MTREX: variants seen among roughly 807,000 people sequenced by gnomAD.
MTREX encodes Mtr4 exosome RNA helicase.
MTREX carries 76 observed loss-of-function variants against 135.4 expected under a neutral mutation model. The ratio of observed to expected loss-of-function variants is 0.56; its 90% CI spans 0.47 to 0.68. The LOEUF is 0.68. Among genes scored for constraint, MTREX ranks in the 30% least tolerant of loss-of-function variants. MTREX has a pLI of 0.00. For missense variants in MTREX, 920 were observed against 1,262.1 expected (o/e 0.73, Z 4.11); for synonymous variants, 404 against 401.6 (o/e 1.01, Z -0.07).
At chr5:55,388,198 C>A in intron 19 of MTREX, 96 bp downstream of exon 19, 1 of 1,073,990 alleles carries the variant, frequency 9.3e-7, no homozygotes, top group Non-Finnish European at 1.3e-6. Flanking sequence ...AACATACTAT[C>A]ATGATTTCTA....
chr5:55,384,598 A>G (rs1252972323), intron 18 of MTREX, among the ~76,000 whole-genome samples: 2 of 152,082 alleles, frequency 1.3e-5, no homozygotes, highest in African/African-American at 2.4e-5. Context: ...TTGATAATAT[A>G]TTGTAGTAAC....
intron 23 of MTREX, among the ~76,000 whole-genome samples, chr5:55,412,238 C>A (rs1185189357): frequency 6.6e-6 from 1 of 152,000 alleles, no homozygotes; most frequent in Non-Finnish European, 1.5e-5. Flanking sequence ...ACATTGTCTT[C>A]TAGTAAATAT....
At chr5:55,420,277 G>C (rs1751034168) in intron 25 of MTREX, among the ~76,000 whole-genome samples, 1 of 152,222 alleles carries the variant, frequency 6.6e-6, no homozygotes, top group African/African-American at 2.4e-5. Context: ...GGGTATGCCA[G>C]AAAGCTGAAG....
chr5:55,422,757 C>T (rs1751073777), intron 25 of MTREX, 121 bp from the exon 26 acceptor site: 1 of 694,026 alleles, frequency 1.4e-6, no homozygotes, highest in Non-Finnish European at 2.4e-6. Context: ...TGATTTACTT[C>T]ATGGGAAGTC....
Position 55,344,627 on chromosome 5 carries a change from G to C in MTREX, c.1005+7G>C. ...TCTTGTGGTTGATGAAAATGTAAGAGAGTAATTGTCCTTTTTAAATCTATA... is the reference window on the plus strand; with the variant it reads ...TCTTGTGGTTGATGAAAATGTAAGACAGTAATTGTCCTTTTTAAATCTATA... On this transcript the variant is annotated splice_region_variant and intron_variant, in intron 9 of 26. Coordinates refer to ENST00000230640, the MANE Select transcript of MTREX (RefSeq NM_015360.5). 4 of 1,517,076 alleles carry C rather than the reference G, an allele frequency of 2.6e-6. No individual in the cohort carries two copies. The highest frequency in any genetic ancestry group is 3.6e-6 in the Non-Finnish European group (4 of 1,097,700). The allele number at this position is 1,517,076 out of a possible 1,614,324, so 94.0% of individuals were successfully genotyped here. A position where few individuals can be genotyped will look rare whatever the true frequency, so the allele number is the denominator to read the frequency against.
At chr5:55,343,893 T>C (rs530343259) in intron 8 of MTREX, among the ~76,000 whole-genome samples, 3 of 152,340 alleles carry the variant, frequency 2.0e-5, no homozygotes, top group East Asian at 3.9e-4. Flanking sequence ...CTTTCTGTTA[T>C]TGCCTTTCTA....
At chr5:55,342,694 T>C (rs1366345368) in intron 7 of MTREX, among the ~76,000 whole-genome samples, 1 of 152,226 alleles carries the variant, frequency 6.6e-6, no homozygotes, top group African/African-American at 2.4e-5. Flanking sequence ...CCTGTATTTA[T>C]GGAGAAAGCA....
intron 26 of MTREX, 25 bp from the exon 27 acceptor site, chr5:55,424,695 T>A (rs756904303): frequency 2.0e-5 from 32 of 1,584,522 alleles, no homozygotes; most frequent in Middle Eastern, 1.7e-4. Context: ...CTTGAAAGTT[T>A]AAACCTTACT....
intron 10 of MTREX, among the ~76,000 whole-genome samples, chr5:55,346,645 TA>T (rs1749737368): frequency 6.6e-6 from 1 of 152,202 alleles, no homozygotes; most frequent in East Asian, 1.9e-4. Flanking sequence ...TTCTCTATTT[TA>T]AAAGTATGTT....
At chr5:55,323,681 A>G (rs1308569733) in intron 2 of MTREX, among the ~76,000 whole-genome samples, 1 of 152,126 alleles carries the variant, frequency 6.6e-6, no homozygotes, top group Non-Finnish European at 1.5e-5. Context: ...CAGCCTCCCA[A>G]AGTGTTGGGA....
chr5:55,315,647 A>G (rs1461285968), intron 1 of MTREX, among the ~76,000 whole-genome samples: 2 of 152,172 alleles, frequency 1.3e-5, no homozygotes, highest in Non-Finnish European at 2.9e-5. Flanking sequence ...GAATAGAACT[A>G]TTTCTGAGTA....
chr5:55,394,240 A>G (rs1750613232), intron 19 of MTREX, among the ~76,000 whole-genome samples: 1 of 152,226 alleles, frequency 6.6e-6, no homozygotes, highest in Non-Finnish European at 1.5e-5. Context: ...CAAATTGTGC[A>G]TCTTTCACTC....
At chr5:55,419,478 C>CT (rs1335396503) in intron 25 of MTREX, among the ~76,000 whole-genome samples, 3 of 152,106 alleles carry the variant, frequency 2.0e-5, no homozygotes, top group Non-Finnish European at 4.4e-5. Flanking sequence ...ATTTTGAAGA[C>CT]TAAGTATTTA....
At chr5:55,369,659 T>G (rs1447817371) in intron 16 of MTREX, among the ~76,000 whole-genome samples, 2 of 152,188 alleles carry the variant, frequency 1.3e-5, no homozygotes, top group Non-Finnish European at 2.9e-5. Flanking sequence ...CATTCCACCA[T>G]TTCTCTGATA....
chr5:55,417,605 C>T lies in MTREX; in HGVS notation c.2971+1473C>T, dbSNP rs547854393. 2.6e-5 allele frequency among the ~76,000 whole-genome samples: 4 copies of T among 152,194 alleles called. No individual in the cohort carries two copies. In the East Asian group the frequency reaches 5.8e-4, roughly 22 times the overall value. ...CTCTAATTAGTTAATGGTGTTTAGC[C>T]GAGTCAGTGAGAAGAGGGATGTTGC... On this transcript the variant is annotated intron_variant, in intron 25 of 26. Coordinates refer to ENST00000230640, the MANE Select transcript of MTREX (RefSeq NM_015360.5).
rs188226265 is a variant in MTREX at position 55,346,395 on chromosome 5, G to T, written c.1109-618G>T. Among the ~76,000 whole-genome samples the T allele has an allele frequency of 4.6e-5, 7 of 152,264 alleles. No individual in the cohort carries two copies. In the East Asian group the frequency reaches 1.3e-3, roughly 29 times the overall value. ...TTACAGCATCCCTGGGCTAGGTAATGGGTAAATGAAACAGATTATGTATTT... is the reference window on the plus strand; with the variant it reads ...TTACAGCATCCCTGGGCTAGGTAATTGGTAAATGAAACAGATTATGTATTT... On this transcript the variant is annotated intron_variant, in intron 10 of 26. Coordinates refer to ENST00000230640, the MANE Select transcript of MTREX (RefSeq NM_015360.5).
At chr5:55,386,892 T>G (rs531959299) in intron 18 of MTREX, among the ~76,000 whole-genome samples, 1 of 152,246 alleles carries the variant, frequency 6.6e-6, no homozygotes, top group Admixed American at 6.5e-5. Flanking sequence ...TCCTTGAGTC[T>G]TCTTATAATC....
intron 23 of MTREX, among the ~76,000 whole-genome samples, chr5:55,412,828 C>T (rs1270889349): frequency 6.6e-6 from 1 of 152,118 alleles, no homozygotes; most frequent in Non-Finnish European, 1.5e-5. Context: ...ATTTCGCAGT[C>T]TTGGGTTCTT....
chr5:55,357,326 G>C (rs964811705), intron 14 of MTREX: 2 of 152,510 alleles, frequency 1.3e-5, no homozygotes, highest in Non-Finnish European at 2.9e-5. Flanking sequence ...CACCCTGGCT[G>C]TGTGATCACA....
Sources: gnomAD v4.1 joint callset for allele counts (sites outside exome capture counted in the v4.1 genomes callset) on GRCh38, gnomAD v4.1.1 for gene constraint, MANE v1.5 for transcripts, NCBI Gene and HGNC (gene_info 2026-07-23, HGNC 2026-07-21) for gene names.